Variants in SLC22A9 observed in about 807,000 individuals in gnomAD.
SLC22A9 encodes the protein solute carrier family 22 member 9, also known as organic anion transporter 7.
A neutral mutation model predicts 50.1 loss-of-function variants in SLC22A9; 64 were observed. The observed-to-expected ratio is 1.28, with a 90% confidence interval of 1.04 to 1.57. The LOEUF (loss-of-function observed/expected upper bound fraction) is 1.57. Ranked by LOEUF, SLC22A9 falls within the 40% of genes most tolerant of loss-of-function variation. SLC22A9 has a pLI of 0.00. For synonymous variants in SLC22A9, 261 were observed against 242.5 expected, an observed-to-expected ratio of 1.08 and a Z score of -0.71; for missense variants, 757 against 676.1, an observed-to-expected ratio of 1.12 and a Z score of -1.33.
At chr11:63,385,382 G>T (rs1356352640) in intron 6 of SLC22A9, among the ~76,000 whole-genome samples, 2 of 151,966 alleles carry the variant, frequency 1.3e-5, no homozygotes, top group East Asian at 1.9e-4. Flanking sequence ...ATTGCTTTGG[G>T]CAGTATGGCC....
chr11:63,408,108 C>G lies in SLC22A9; in HGVS notation c.1289-4C>G, dbSNP rs1016290506. 8 of 1,612,310 alleles carry G rather than the reference C, an allele frequency of 5.0e-6. No homozygotes were observed. Among genetic ancestry groups the G allele is most frequent in the Non-Finnish European group, 6.8e-6 (8 of 1,178,774 alleles). On this transcript the variant is annotated splice_polypyrimidine_tract_variant and splice_region_variant and intron_variant, in intron 7 of 9. Transcript: ENST00000279178. The stretch of plus-strand genomic sequence containing the variant: ...CTGAGGCCTTGTGTTCTTCCTTTCT[C>G]CAGAAATGCAGACGCTGCGTGAGGT...
At chr11:63,380,771 G>C (rs574003458) in intron 5 of SLC22A9, among the ~76,000 whole-genome samples, 6 of 152,078 alleles carry the variant, frequency 3.9e-5, no homozygotes, top group African/African-American at 1.4e-4. Context: ...TTATTAACTT[G>C]GTGATGAAAT....
At chr11:63,370,824 T>G (rs1022619499) in intron 1 of SLC22A9, among the ~76,000 whole-genome samples, 2 of 152,168 alleles carry the variant, frequency 1.3e-5, no homozygotes, top group East Asian at 3.8e-4. Flanking sequence ...AAAACAATCA[T>G]ATGAGAAGGT....
intron 4 of SLC22A9, among the ~76,000 whole-genome samples, chr11:63,375,075 C>T (rs1398252977): frequency 6.6e-6 from 1 of 152,104 alleles, no homozygotes; most frequent in Non-Finnish European, 1.5e-5. Context: ...AAGCAAACTC[C>T]CTGTCAGGCT....
At chr11:63,371,282 T>A (rs773121919) in intron 2 of SLC22A9, 44 bp downstream of exon 2, 1 of 1,407,170 alleles carries the variant, frequency 7.1e-7, no homozygotes, top group East Asian at 2.3e-5. Flanking sequence ...GCATTTTTTA[T>A]CAACTTATGA....
At chr11:63,385,284 T>A (rs1429654885) in intron 6 of SLC22A9, among the ~76,000 whole-genome samples, 2 of 152,004 alleles carry the variant, frequency 1.3e-5, no homozygotes, top group Admixed American at 1.3e-4. Context: ...GAGCTCTTTT[T>A]TCATTCCATA....
intron 5 of SLC22A9, among the ~76,000 whole-genome samples, chr11:63,380,186 A>G (rs1054941857): frequency 4.6e-5 from 7 of 152,266 alleles, no homozygotes; most frequent in African/African-American, 1.7e-4. Context: ...GTCAAAAAAT[A>G]ACAGATGCTG....
chr11:63,397,780 T>C (rs2014885385), intron 6 of SLC22A9, among the ~76,000 whole-genome samples: 1 of 152,102 alleles, frequency 6.6e-6, no homozygotes, highest in Non-Finnish European at 1.5e-5. Context: ...TTCAGGGAAA[T>C]GGGCTTCCCT....
chr11:63,403,852 A>T (rs1040629866), intron 6 of SLC22A9, among the ~76,000 whole-genome samples: 4 of 152,104 alleles, frequency 2.6e-5, no homozygotes, highest in African/African-American at 9.7e-5. Flanking sequence ...AATAAACAAG[A>T]AATAATAAGT....
chr11:63,391,862 G>T (rs1248759900), intron 6 of SLC22A9, among the ~76,000 whole-genome samples: 4 of 151,714 alleles, frequency 2.6e-5, no homozygotes, highest in African/African-American at 7.3e-5. Context: ...TTTGTTTTCT[G>T]GTTGTTTTGT....
intron 6 of SLC22A9, among the ~76,000 whole-genome samples, chr11:63,405,254 C>T (rs111450742): frequency 2.0e-5 from 3 of 152,204 alleles, no homozygotes; most frequent in African/African-American, 7.2e-5. Flanking sequence ...AACAGGAAAG[C>T]AGGGAACCCA....
At chr11:63,385,134 CAGA>C (rs1291781917) in intron 6 of SLC22A9, among the ~76,000 whole-genome samples, 1 of 72,220 alleles carries the variant, frequency 1.4e-5, no homozygotes, top group Admixed American at 1.8e-4. Context: ...TTTTGCTGTG[CAGA>C]AGCTCTTTAG....
At chr11:63,372,100 C>T (rs1052349360) in intron 2 of SLC22A9, among the ~76,000 whole-genome samples, 2 of 152,046 alleles carry the variant, frequency 1.3e-5, no homozygotes. Context: ...TGCAGATAGA[C>T]CAATTTTAAT....
chr11:63,396,650 T>C (rs1445162712), intron 6 of SLC22A9, among the ~76,000 whole-genome samples: 1 of 152,224 alleles, frequency 6.6e-6, no homozygotes, highest in East Asian at 1.9e-4. Context: ...AAATTCACGA[T>C]GCAAGCCTCC....
At chr11:63,372,933 A>C (rs993279309) in intron 2 of SLC22A9, among the ~76,000 whole-genome samples, 2 of 152,044 alleles carry the variant, frequency 1.3e-5, no homozygotes, top group African/African-American at 4.8e-5. Context: ...GAATAGTTCA[A>C]ATCACTAATG....
chr11:63,393,261 G>A (rs1414805916), intron 6 of SLC22A9, among the ~76,000 whole-genome samples: 1 of 152,044 alleles, frequency 6.6e-6, no homozygotes, highest in Non-Finnish European at 1.5e-5. Flanking sequence ...GATAAAAAGG[G>A]TTGGGTTCTT....
chr11:63,389,541 A>G (rs1256440364), intron 6 of SLC22A9, among the ~76,000 whole-genome samples: 4 of 152,158 alleles, frequency 2.6e-5, no homozygotes, highest in Non-Finnish European at 5.9e-5. Flanking sequence ...ATGGTATTCC[A>G]TGGTGTATGT....
rs1449403908 is a variant in SLC22A9, at chr11:63,373,701, C to T, written c.564C>T (p.Thr188=). 6.2e-7 allele frequency: 1 copy of T among 1,610,904 alleles called. No homozygotes were observed. The highest frequency in any genetic ancestry group is 1.3e-5 in the African/African-American group (1 of 74,716). Residue 188 remains threonine, a synonymous_variant, in exon 3 of 10, where the codon ACC becomes ACT. Transcript: ENST00000279178. Reference sequence around the variant, plus strand: ...ACCTCCAGGTTGCCATTGTTGGCACCTGTGCAGCCTTGGCTCCCACCTTCC... The same window carrying T: ...ACCTCCAGGTTGCCATTGTTGGCACTTGTGCAGCCTTGGCTCCCACCTTCC... ...WCYLQVAIVG[T]CAALAPTFLI...
chr11:63,377,017 A>G (rs1381962936), intron 5 of SLC22A9, among the ~76,000 whole-genome samples: 1 of 152,166 alleles, frequency 6.6e-6, no homozygotes, highest in East Asian at 1.9e-4. Flanking sequence ...ATATATATGC[A>G]CCCAACACTG....
Sources: gnomAD v4.1 joint callset for allele counts (sites outside exome capture counted in the v4.1 genomes callset) on GRCh38, gnomAD v4.1.1 for gene constraint, MANE v1.5 for transcripts, NCBI Gene and HGNC (gene_info 2026-07-23, HGNC 2026-07-21) for gene names.